Variants in KANSL2 observed in about 807,000 individuals in gnomAD.
The protein encoded by KANSL2 is KAT8 regulatory NSL complex subunit 2.
KANSL2 carries 34 observed loss-of-function variants against 55.6 expected under a neutral mutation model. That is an observed-to-expected ratio of 0.61 (90% CI 0.46 to 0.81). KANSL2 has a LOEUF of 0.81. Among genes scored for constraint, KANSL2 ranks in the 40% least tolerant of loss-of-function variants. The probability of loss-of-function intolerance (pLI) is 0.00; values close to 1 mark genes in which losing one functional copy is unlikely to be tolerated. For missense variants in KANSL2, 502 were observed against 609.9 expected (o/e 0.82, Z 1.86); for synonymous variants, 209 against 214.3 (o/e 0.98, Z 0.22).
intron 9 of KANSL2, 75 bp downstream of exon 9, chr12:48,654,866 T>C: frequency 1.4e-6 from 2 of 1,471,266 alleles, no homozygotes; most frequent in South Asian, 1.3e-5. Flanking sequence ...CAGGAGCACA[T>C]GCTATCTAGC....
rs1343536835 is a variant in KANSL2 at position 48,669,178 on chromosome 12, A to AT, written c.803dup (p.Tyr268Ter). ...GCCTATGCAGTAAGGCTTCCACTCC[A>AT]TAGCGCTGGCGGTATCGTCGCAGAC... The part of the protein sequence containing the change: ...LKCLRRYRQR[Y>*]GVEALLHRQL... The change falls in exon 6 of 10, where the codon TAT (tyrosine) becomes TAAT (stop). Residue 268 changes from tyrosine (Y) to a stop codon, truncating the protein, a stop_gained and frameshift_variant. Transcript: ENST00000420613. LOFTEE classifies it high-confidence loss of function. The AT allele has an allele frequency of 6.4e-7, 1 of 1,553,378 alleles. No homozygotes were observed. The highest frequency in any genetic ancestry group is 2.0e-5 in the Admixed American group (1 of 51,102).
intron 5 of KANSL2, among the ~76,000 whole-genome samples, chr12:48,669,902 T>C (rs773502968): frequency 6.6e-6 from 1 of 152,104 alleles, no homozygotes; most frequent in Non-Finnish European, 1.5e-5. Flanking sequence ...CTGCCAGTTA[T>C]ATACAAGTCT....
In KANSL2 at chr12:48,653,421, G is replaced by C. The variant is rs776568644; in HGVS notation, c.*623C>G. On this transcript the variant is annotated 3_prime_UTR_variant, in exon 10 of 10. Coordinates refer to ENST00000420613, the MANE Select transcript of KANSL2 (RefSeq NM_017822.4). The stretch of plus-strand genomic sequence containing the variant: ...AAACATGCATTCAATTCAGGTGACT[G>C]TTTGATATTTTCATAACATTTTCTT... The C allele has an allele frequency of 6.6e-6, 1 of 152,542 alleles. No individual in the cohort carries two copies. The highest frequency in any genetic ancestry group is 1.5e-5 in the Non-Finnish European group (1 of 68,014). The allele number at this position is 152,542 out of a possible 1,614,324, so 9.4% of individuals were successfully genotyped here. A position where few individuals can be genotyped will look rare whatever the true frequency, so the allele number is the denominator to read the frequency against.
At position 48,680,983 on chromosome 12, in the gene KANSL2, A is replaced by C. The variant is rs554474700; in HGVS notation, c.251+399T>G. On this transcript the variant is annotated intron_variant, in intron 2 of 9. Coordinates refer to ENST00000420613, the MANE Select transcript of KANSL2 (RefSeq NM_017822.4). ...AGAATCTGTGCGCCGCCCCCCCGCC[A>C]AAAAATTAACTTTAGGGCCGGGCGC... Among the ~76,000 whole-genome samples, 705 of 146,514 alleles carry C rather than the reference A, an allele frequency of 4.8e-3. 4 individuals are homozygous for C. Among genetic ancestry groups the C allele is most frequent in the Admixed American group, 8.3e-3 (124 of 14,910 alleles).
At chr12:48,678,208 G>A (rs146382536) in intron 4 of KANSL2, among the ~76,000 whole-genome samples, 114 of 152,262 alleles carry the variant, frequency 7.5e-4, no homozygotes, top group African/African-American at 2.6e-3. Context: ...AAAGTGTTAA[G>A]ACACAGAAGT....
chr12:48,654,981 TG>T lies in KANSL2; in HGVS notation c.1306del (p.His436IlefsTer2). 1 of 1,581,380 alleles carries T rather than the reference TG, an allele frequency of 6.3e-7. No individual in the cohort carries two copies. Among genetic ancestry groups the T allele is most frequent in the Non-Finnish European group, 8.6e-7 (1 of 1,163,430 alleles). On this transcript the variant is annotated frameshift_variant, in exon 9 of 10. Coordinates refer to ENST00000420613, the MANE Select transcript of KANSL2 (RefSeq NM_017822.4). LOFTEE classifies it high-confidence loss of function. ...LFDPSLTLED[H>X]LVKEIAEDPV... ...GTCTTCAGCAATTTCTTTGACTAAA[TG>T]ATCTTCAAGGGTTAGTGAAGGATCA...
chr12:48,682,012 G>C, intron 1 of KANSL2, 175 bp downstream of exon 1: 1 of 703,004 alleles, frequency 1.4e-6, no homozygotes, highest in Non-Finnish European at 2.6e-6. Flanking sequence ...AAGCCTATGC[G>C]AGCGCCATTT....
intron 5 of KANSL2, among the ~76,000 whole-genome samples, chr12:48,670,893 G>A (rs1050688512): frequency 2.6e-5 from 4 of 152,028 alleles, no homozygotes; most frequent in African/African-American, 9.7e-5. Flanking sequence ...GAGTCCAGGA[G>A]TTGAAGGCTG....
rs757686678 is a variant in KANSL2 at position 48,679,695 on chromosome 12, C to G, written c.390G>C (p.Gln130His). The change falls in exon 3 of 10, where the codon CAG becomes CAC. Residue 130 changes from glutamine to histidine, a missense_variant. Physicochemically the swap from Gln to His is conservative, Grantham distance 24. Coordinates refer to ENST00000420613, the MANE Select transcript of KANSL2 (RefSeq NM_017822.4). ...CTTCACTGCGACTACTTTCTGGAGT[C>G]TGAGACCCCAGCTCTGTCTTAGCAT... is the stretch of plus-strand genomic sequence containing the variant. ...SSYAKTELGS[Q>H]TPESSRSEAS... The G allele has an allele frequency of 1.7e-5, 28 of 1,613,550 alleles. No homozygotes were observed. Among genetic ancestry groups the G allele is most frequent in the Non-Finnish European group, 2.3e-5 (27 of 1,179,800 alleles).
At chr12:48,664,248 C>T (rs1300299840) in intron 7 of KANSL2, among the ~76,000 whole-genome samples, 1 of 150,344 alleles carries the variant, frequency 6.7e-6, no homozygotes, top group Admixed American at 6.7e-5. Context: ...TTAAATCTGC[C>T]CATAGCCTCT....
intron 7 of KANSL2, among the ~76,000 whole-genome samples, chr12:48,666,417 G>A (rs948534688): frequency 6.6e-6 from 1 of 151,830 alleles, no homozygotes; most frequent in African/African-American, 2.4e-5. Flanking sequence ...AATAGGCCAG[G>A]TGCAGTGGCT....
At chr12:48,680,916 G>A (rs1379377384) in intron 2 of KANSL2, among the ~76,000 whole-genome samples, 1 of 113,790 alleles carries the variant, frequency 8.8e-6, no homozygotes. Flanking sequence ...AGGTTGCAGT[G>A]AGCCGAGATC....
chr12:48,662,406 A>G (rs1939504598), intron 7 of KANSL2, among the ~76,000 whole-genome samples: 1 of 152,224 alleles, frequency 6.6e-6, no homozygotes, highest in Non-Finnish European at 1.5e-5. Context: ...CGCCTGGCCA[A>G]GAACTTTTTT....
intron 7 of KANSL2, among the ~76,000 whole-genome samples, chr12:48,667,052 G>A (rs1282081048): frequency 2.0e-5 from 3 of 151,910 alleles, no homozygotes; most frequent in African/African-American, 2.4e-5. Flanking sequence ...ATTGTGGTAC[G>A]TGCCTATAAT....
intron 5 of KANSL2, among the ~76,000 whole-genome samples, chr12:48,671,433 C>A (rs1939711376): frequency 6.6e-6 from 1 of 152,080 alleles, no homozygotes; most frequent in Admixed American, 6.6e-5. Context: ...CATTGACTCA[C>A]CACTCACTCA....
chr12:48,679,342 CATAA>C (rs750233118), intron 3 of KANSL2, 192 bp from the exon 4 acceptor site: 40 of 658,324 alleles, frequency 6.1e-5, no homozygotes, highest in Non-Finnish European at 9.2e-5. Flanking sequence ...TTACTTACAA[CATAA>C]ATGAGTAAAC....
At chr12:48,674,037 T>C (rs2137198938) in intron 4 of KANSL2, among the ~76,000 whole-genome samples, 1 of 152,296 alleles carries the variant, frequency 6.6e-6, no homozygotes, top group Admixed American at 6.5e-5. Context: ...ATTACATAAA[T>C]ACAAAGAACA....
rs199533248 is a variant in KANSL2 at position 48,667,796 on chromosome 12, T to G, written c.877-7A>C. 4,773 of 1,605,510 alleles carry G rather than the reference T, an allele frequency of 3.0e-3. 20 individuals carry two copies. The highest frequency in any genetic ancestry group is 3.7e-3 in the Non-Finnish European group (4,289 of 1,172,816). ...TGGAACGAGTGGTATGGGCCTGAAA[T>G]GGAAAAAGACAGATAAAATAGACCC... is the stretch of plus-strand genomic sequence containing the variant. On this transcript the variant is annotated splice_polypyrimidine_tract_variant and splice_region_variant and intron_variant, in intron 6 of 9. Transcript: ENST00000420613.
chr12:48,680,636 A>C (rs1040903241), intron 2 of KANSL2, among the ~76,000 whole-genome samples: 5 of 152,190 alleles, frequency 3.3e-5, no homozygotes, highest in African/African-American at 4.8e-5. Flanking sequence ...ATGTTATTTA[A>C]CAAAATTCAT....
Sources: gnomAD v4.1 joint callset for allele counts (sites outside exome capture counted in the v4.1 genomes callset) on GRCh38, gnomAD v4.1.1 for gene constraint, MANE v1.5 for transcripts, NCBI Gene and HGNC (gene_info 2026-07-23, HGNC 2026-07-21) for gene names.